Variants in LRRC4C observed in about 807,000 individuals in gnomAD.
The protein encoded by LRRC4C is leucine rich repeat containing 4C.
LRRC4C carries 5 observed loss-of-function variants against 33.6 expected under a neutral mutation model. That is an observed-to-expected ratio of 0.15 (90% CI 0.08 to 0.31). The LOEUF (loss-of-function observed/expected upper bound fraction) is 0.31. Among genes scored for constraint, LRRC4C ranks in the 10% least tolerant of loss-of-function variants. LRRC4C has a pLI of 1.00. For synonymous variants in LRRC4C, 329 were observed against 302.0 expected (o/e 1.09, Z -0.93); for missense variants, 560 against 796.7 (o/e 0.70, Z 3.58).
chr11:40,141,265 T>G (rs1187168900), intron 5 of LRRC4C, among the ~76,000 whole-genome samples: 3 of 152,144 alleles, frequency 2.0e-5, no homozygotes, highest in African/African-American at 7.2e-5. Context: ...GTTAAGAATC[T>G]GACATAGGCA....
intron 2 of LRRC4C, among the ~76,000 whole-genome samples, chr11:40,788,238 G>A (rs1950491914): frequency 6.6e-6 from 1 of 152,082 alleles, no homozygotes; most frequent in Admixed American, 6.6e-5. Flanking sequence ...GTGATGATCT[G>A]CCTTTCCCTG....
chr11:40,936,341 T>TC (rs1957897308), intron 1 of LRRC4C, among the ~76,000 whole-genome samples: 1 of 141,800 alleles, frequency 7.1e-6, no homozygotes, highest in Admixed American at 7.0e-5. Context: ...CACTTGTTTT[T>TC]TTTTTTTTTT....
chr11:41,404,564 C>CACACACA (rs375465500), intron 1 of LRRC4C, among the ~76,000 whole-genome samples: 2,316 of 94,124 alleles, frequency 0.025, 26 homozygotes, highest in African/African-American at 0.041. Flanking sequence ...ACACACACAC[C>CACACACA]CCCCGAGGTT....
chr11:41,091,579 T>C (rs962435435), intron 1 of LRRC4C, among the ~76,000 whole-genome samples: 7 of 151,970 alleles, frequency 4.6e-5, no homozygotes, highest in Admixed American at 2.0e-4. Context: ...GCACAACAGA[T>C]CCCATGTTAT....
intron 1 of LRRC4C, among the ~76,000 whole-genome samples, chr11:41,375,068 A>C (rs1167556695): frequency 6.6e-6 from 1 of 152,094 alleles, no homozygotes; most frequent in Non-Finnish European, 1.5e-5. Flanking sequence ...TCAAGGCTGC[A>C]ATGAGCTGTG....
rs150454555 is a variant in LRRC4C at position 41,150,606 on chromosome 11, A to G, written c.-495-216883T>C. On this transcript the variant is annotated intron_variant, in intron 1 of 6. Transcript: ENST00000528697. ...GGAGTTTGAGACCAGCCTGGCCAAT[A>G]TGGTAAAACCCCATCTCTACTAAAA... Among the ~76,000 whole-genome samples the G allele has an allele frequency of 4.8e-3, 731 of 152,108 alleles. 8 individuals are homozygous for G. The highest frequency in any genetic ancestry group is 0.017 in the African/African-American group (708 of 41,494).
intron 1 of LRRC4C, among the ~76,000 whole-genome samples, chr11:41,051,544 A>AAAAAAAAAAAAAAAAAG (rs1858220105): frequency 2.3e-5 from 3 of 130,758 alleles, no homozygotes; most frequent in Non-Finnish European, 3.3e-5. Context: ...AAAAAAAAAA[A>AAAAAAAAAAAAAAAAAG]AAAAAAAAAG....
At chr11:40,204,841 G>A (rs1863028212) in intron 5 of LRRC4C, among the ~76,000 whole-genome samples, 1 of 152,052 alleles carries the variant, frequency 6.6e-6, no homozygotes, top group African/African-American at 2.4e-5. Flanking sequence ...GCTTAGCTTT[G>A]GCCAGTGCAA....
chr11:41,388,914 T>C (rs1953469335), intron 1 of LRRC4C, among the ~76,000 whole-genome samples: 1 of 151,830 alleles, frequency 6.6e-6, no homozygotes, highest in South Asian at 2.1e-4. Context: ...GAAATTTTGA[T>C]GTTTAGACAG....
At chr11:41,455,508 T>C (rs747389333) in intron 1 of LRRC4C, among the ~76,000 whole-genome samples, 9 of 152,036 alleles carry the variant, frequency 5.9e-5, no homozygotes, top group Non-Finnish European at 1.2e-4. Context: ...ACCACAAAAA[T>C]TACTGAAAAG....
intron 2 of LRRC4C, among the ~76,000 whole-genome samples, chr11:40,679,633 G>A (rs1265284202): frequency 5.3e-5 from 8 of 152,194 alleles, no homozygotes; most frequent in Admixed American, 4.6e-4. Flanking sequence ...GCTTTAGAAG[G>A]TGGAAGCCCC....
At chr11:41,119,148 G>A (rs963445452) in intron 1 of LRRC4C, among the ~76,000 whole-genome samples, 2 of 151,912 alleles carry the variant, frequency 1.3e-5, no homozygotes, top group Admixed American at 1.3e-4. Flanking sequence ...GTTTGCTGAC[G>A]ATGTTCATAT....
intron 3 of LRRC4C, chr11:40,445,278 C>T (rs996940467): frequency 6.6e-6 from 1 of 152,230 alleles, no homozygotes; most frequent in African/African-American, 2.4e-5. Context: ...CCTGTGTTAA[C>T]TTCTCTAATG....
chr11:40,527,473 A>C (rs2135280292), intron 3 of LRRC4C, among the ~76,000 whole-genome samples: 1 of 152,288 alleles, frequency 6.6e-6, no homozygotes, highest in Admixed American at 6.5e-5. Flanking sequence ...GGGCAAAATA[A>C]GGATATTTGG....
chr11:40,859,847 C>T (rs570859993), intron 2 of LRRC4C, among the ~76,000 whole-genome samples: 15 of 152,096 alleles, frequency 9.9e-5, no homozygotes, highest in South Asian at 6.2e-4. Context: ...GAGGCCGAGG[C>T]GGGCGGATCG....
intron 1 of LRRC4C, among the ~76,000 whole-genome samples, chr11:40,980,590 T>TA (rs1852448181): frequency 6.6e-6 from 1 of 152,018 alleles, no homozygotes; most frequent in Non-Finnish European, 1.5e-5. Context: ...TCTAAGCAAT[T>TA]AAAAAATGGA....
intron 1 of LRRC4C, among the ~76,000 whole-genome samples, chr11:40,973,967 G>A (rs2137021825): frequency 6.6e-6 from 1 of 152,140 alleles, no homozygotes; most frequent in East Asian, 1.9e-4. Context: ...CTACCTGGAG[G>A]GCTCCACAAG....
chr11:41,257,236 A>C (rs1487917470), intron 1 of LRRC4C, among the ~76,000 whole-genome samples: 1 of 152,040 alleles, frequency 6.6e-6, no homozygotes, highest in Non-Finnish European at 1.5e-5. Context: ...TCAACTATTT[A>C]GTAGGAGAAA....
At chr11:41,047,042 T>G (rs1272353513) in intron 1 of LRRC4C, among the ~76,000 whole-genome samples, 1 of 152,142 alleles carries the variant, frequency 6.6e-6, no homozygotes, top group Admixed American at 6.6e-5. Flanking sequence ...ACAATTGTTG[T>G]GCTTCAAAGG....
Sources: gnomAD v4.1 joint callset for allele counts (sites outside exome capture counted in the v4.1 genomes callset) on GRCh38, gnomAD v4.1.1 for gene constraint, MANE v1.5 for transcripts, NCBI Gene and HGNC (gene_info 2026-07-23, HGNC 2026-07-21) for gene names.